Variants in SEC23B observed in about 807,000 individuals in gnomAD.
SEC23B encodes protein transport protein Sec23B.
In SEC23B, 77 loss-of-function variants were observed where a neutral mutation model predicts 104.3. The observed-to-expected ratio is 0.74, with a 90% CI of 0.61 to 0.89. The LOEUF is 0.89. SEC23B is among the 40% of genes least tolerant of loss of function. SEC23B has a pLI of 0.00. For missense variants in SEC23B, 885 were observed against 949.4 expected, an observed-to-expected ratio of 0.93 and a Z score of 0.89; for synonymous variants, 338 against 332.5, an observed-to-expected ratio of 1.02 and a Z score of -0.18.
intron 7 of SEC23B, 42 bp downstream of exon 7, chr20:18,525,974 TGC>T: frequency 6.3e-7 from 1 of 1,589,492 alleles, no homozygotes; most frequent in East Asian, 2.2e-5. Flanking sequence ...CATACAAATG[TGC>T]TCTCAGAAAA....
chr20:18,511,175 G>A, intron 2 of SEC23B, 119 bp downstream of exon 2: 1 of 772,960 alleles, frequency 1.3e-6, no homozygotes, highest in South Asian at 1.4e-5. Context: ...AGTAGTAGAT[G>A]ATGAGACTCC....
chr20:18,547,731 C>T (rs1335439134), intron 15 of SEC23B, among the ~76,000 whole-genome samples: 2 of 152,104 alleles, frequency 1.3e-5, no homozygotes, highest in African/African-American at 2.4e-5. Flanking sequence ...TGGCCCTCCA[C>T]CCCCACTCCC....
chr20:18,517,850 A>T (rs1480511240), intron 4 of SEC23B, among the ~76,000 whole-genome samples: 2 of 152,230 alleles, frequency 1.3e-5, no homozygotes, highest in Non-Finnish European at 2.9e-5. Context: ...CACAAGGTCC[A>T]AATAAGAGAA....
intron 11 of SEC23B, among the ~76,000 whole-genome samples, chr20:18,535,013 G>A (rs1015932940): frequency 6.6e-6 from 1 of 152,132 alleles, no homozygotes; most frequent in Non-Finnish European, 1.5e-5. Context: ...GAACCCCCGT[G>A]AATCCATCTA....
chr20:18,540,918 G>A (rs1456543385), intron 12 of SEC23B, among the ~76,000 whole-genome samples: 1 of 152,196 alleles, frequency 6.6e-6, no homozygotes, highest in Non-Finnish European at 1.5e-5. Context: ...CCTGCCCTTT[G>A]AAGCTTTAAA....
At chr20:18,560,526 G>T in intron 19 of SEC23B, 125 bp from the exon 20 acceptor site, 1 of 753,778 alleles carries the variant, frequency 1.3e-6, no homozygotes, top group Non-Finnish European at 2.4e-6. Flanking sequence ...AGGATGGGGT[G>T]ATGGGAGTAC....
intron 3 of SEC23B, among the ~76,000 whole-genome samples, chr20:18,513,009 T>C (rs555085788): frequency 6.6e-6 from 1 of 151,792 alleles, no homozygotes; most frequent in South Asian, 2.1e-4. Context: ...CATGGTGAAA[T>C]CCCCTCTCTA....
intron 4 of SEC23B, among the ~76,000 whole-genome samples, chr20:18,518,582 G>GTTTTTTTT (rs57231166): frequency 0.012 from 1,098 of 92,616 alleles, 82 homozygotes; most frequent in Middle Eastern, 0.041. Flanking sequence ...CTGGAAGGAG[G>GTTTTTTTT]TTTTTTTTTT....
At chr20:18,546,688 C>T (rs2122141258) in intron 15 of SEC23B, among the ~76,000 whole-genome samples, 2 of 152,302 alleles carry the variant, frequency 1.3e-5, no homozygotes, top group East Asian at 3.9e-4. Context: ...TAAATGTGAC[C>T]TAGCTCCATA....
intron 4 of SEC23B, among the ~76,000 whole-genome samples, chr20:18,517,925 C>T (rs1195034635): frequency 6.6e-6 from 1 of 152,136 alleles, no homozygotes; most frequent in Non-Finnish European, 1.5e-5. Flanking sequence ...TAGAGAGTGT[C>T]CAAGGGAGTT....
chr20:18,546,727 T>G (rs2060335883), intron 15 of SEC23B, among the ~76,000 whole-genome samples: 1 of 152,076 alleles, frequency 6.6e-6, no homozygotes, highest in Admixed American at 6.5e-5. Flanking sequence ...GAGGTGTCCA[T>G]GTGCCAGAGG....
Position 18,539,371 on chromosome 20 carries a change from G to A in SEC23B, c.1405-2925G>A, listed in dbSNP as rs535054583. 7.9e-5 allele frequency among the ~76,000 whole-genome samples: 12 copies of A among 151,142 alleles called. No homozygotes were observed. The East Asian group carries it at 2.4e-3, about 30-fold the overall frequency. On this transcript the variant is annotated intron_variant, in intron 12 of 19. Coordinates refer to ENST00000650089, the MANE Select transcript of SEC23B (RefSeq NM_006363.6). Reference sequence around the variant, plus strand: ...ATACAAAAAACAAAATTAGCTGGGTGTGGTGGCGGGTGCCTATAGTCCCAG... The same window carrying A: ...ATACAAAAAACAAAATTAGCTGGGTATGGTGGCGGGTGCCTATAGTCCCAG...
chr20:18,535,448 A>T (rs2148908522), intron 11 of SEC23B, among the ~76,000 whole-genome samples: 1 of 152,320 alleles, frequency 6.6e-6, no homozygotes, highest in South Asian at 2.1e-4. Flanking sequence ...ATGTTAATAT[A>T]AAAAGCTTAA....
intron 17 of SEC23B, among the ~76,000 whole-genome samples, chr20:18,552,036 G>C (rs1459220316): frequency 1.3e-5 from 2 of 152,116 alleles, no homozygotes; most frequent in Non-Finnish European, 2.9e-5. Flanking sequence ...AAAGGGAATG[G>C]CTCCTCTGAA....
chr20:18,548,883 A>G (rs949078396), intron 16 of SEC23B, 113 bp downstream of exon 16: 7 of 1,022,010 alleles, frequency 6.8e-6, no homozygotes, highest in Non-Finnish European at 1.0e-5. Flanking sequence ...TGGAGTTTTT[A>G]TAGTAATTTA....
Position 18,560,862 on chromosome 20 carries a change from T to C in SEC23B, c.*122T>C, listed in dbSNP as rs761033446. 2 of 746,840 alleles carry C rather than the reference T, an allele frequency of 2.7e-6. No individual in the cohort carries two copies. The highest frequency in any genetic ancestry group is 4.8e-6 in the Non-Finnish European group (2 of 413,576). 46.3% of individuals were successfully genotyped at this position (746,840 alleles called of 1,614,324 possible). A position where few individuals can be genotyped will look rare whatever the true frequency, so the allele number is the denominator to read the frequency against. ...AACAAATAATCAAGGACATTTTATA[T>C]GTAACTCTTTAGATTATAATTTATT... On this transcript the variant is annotated 3_prime_UTR_variant, in exon 20 of 20. Transcript: ENST00000650089.
intron 1 of SEC23B, chr20:18,508,343 A>G (rs1223381927): frequency 6.6e-6 from 1 of 152,144 alleles, no homozygotes; most frequent in African/African-American, 2.4e-5. Context: ...ATTCTTACAT[A>G]CACATGGTCA....
chr20:18,542,689 CA>C (rs2060298566), intron 13 of SEC23B, among the ~76,000 whole-genome samples: 2 of 152,132 alleles, frequency 1.3e-5, no homozygotes, highest in African/African-American at 4.8e-5. Flanking sequence ...AGCTGGAGTA[CA>C]GTGGCACAAT....
intron 4 of SEC23B, among the ~76,000 whole-genome samples, chr20:18,516,677 G>C (rs531368093): frequency 2.0e-5 from 3 of 151,356 alleles, no homozygotes; most frequent in African/African-American, 7.3e-5. Context: ...TCAGCCTCCC[G>C]AGTAGCTGGG....
Sources: gnomAD v4.1 joint callset for allele counts (sites outside exome capture counted in the v4.1 genomes callset) on GRCh38, gnomAD v4.1.1 for gene constraint, MANE v1.5 for transcripts, NCBI Gene and HGNC (gene_info 2026-07-23, HGNC 2026-07-21) for gene names.